Variants in LAMA2 observed in about 807,000 individuals in gnomAD.
LAMA2 encodes laminin subunit alpha-2.
LAMA2 carries 269 observed loss-of-function variants against 364.8 expected under a neutral mutation model. The observed-to-expected ratio is 0.74, with a 90% CI of 0.67 to 0.82. The LOEUF (loss-of-function observed/expected upper bound fraction) is 0.82, where lower values mean the gene tolerates loss of function less well. Among genes scored for constraint, LAMA2 ranks in the 40% least tolerant of loss-of-function variants. LAMA2 has a pLI of 0.00. For synonymous variants in LAMA2, 1,379 were observed against 1,370.6 expected (o/e 1.01, Z -0.14); for missense variants, 3,807 against 3,873.2 (o/e 0.98, Z 0.45).
chr6:128,940,326 T>C (rs1001707353), intron 1 of LAMA2, among the ~76,000 whole-genome samples: 1 of 152,154 alleles, frequency 6.6e-6, no homozygotes, highest in Non-Finnish European at 1.5e-5. Flanking sequence ...GGGTACTATG[T>C]TTTCAGTATA....
intron 4 of LAMA2, among the ~76,000 whole-genome samples, chr6:129,131,219 G>A (rs901950663): frequency 3.3e-5 from 5 of 152,188 alleles, no homozygotes; most frequent in African/African-American, 1.2e-4. Context: ...CATTCATGCT[G>A]TGTTTGTCAA....
rs368480979 is a variant in LAMA2, at chr6:129,118,684, T to C, written c.639+20269T>C. Among the ~76,000 whole-genome samples the C allele has an allele frequency of 3.3e-5, 5 of 152,364 alleles. No individual in the cohort carries two copies. In the East Asian group the frequency reaches 7.7e-4, roughly 23 times the overall value. On this transcript the variant is annotated intron_variant, in intron 4 of 64. Coordinates refer to ENST00000421865, the MANE Select transcript of LAMA2 (RefSeq NM_000426.4). ...TCTTCCCAACTACTGTGATCCTGTC[T>C]TTAATACAACTTTAATAGACTGGAA...
chr6:129,098,242 C>G lies in LAMA2; in HGVS notation c.466C>G (p.Arg156Gly). Reference sequence around the variant, plus strand: ...CCGGCCTGGAAACTGGATTTTGGAACGCTCTCTTGATGATGTTGAATACAA... The same window carrying G: ...CCGGCCTGGAAACTGGATTTTGGAAGGCTCTCTTGATGATGTTGAATACAA... ...SPRPGNWILE[R>G]SLDDVEYKPW... Residue 156 changes from arginine to glycine, a missense_variant, in exon 4 of 65, where the codon CGC (arginine) becomes GGC (glycine). Transcript: ENST00000421865. 1.2e-6 allele frequency: 2 copies of G among 1,614,054 alleles called. No homozygotes were observed. The highest frequency in any genetic ancestry group is 8.5e-7 in the Non-Finnish European group (1 of 1,179,994).
At chr6:129,169,172 G>A (rs1194202413) in intron 9 of LAMA2, among the ~76,000 whole-genome samples, 1 of 149,920 alleles carries the variant, frequency 6.7e-6, no homozygotes, top group African/African-American at 2.5e-5. Flanking sequence ...CTGCCTAATT[G>A]CCCTGGCCAG....
intron 1 of LAMA2, among the ~76,000 whole-genome samples, chr6:128,983,107 T>G (rs1289119686): frequency 6.6e-6 from 1 of 152,084 alleles, no homozygotes; most frequent in African/African-American, 2.4e-5. Flanking sequence ...GCATGATTTA[T>G]AGTCCTTTGG....
At chr6:129,493,350 C>T (rs1206578481) in intron 58 of LAMA2, among the ~76,000 whole-genome samples, 10 of 152,080 alleles carry the variant, frequency 6.6e-5, no homozygotes, top group South Asian at 2.1e-4. Flanking sequence ...GCACTGTAAC[C>T]GACCATCTGT....
chr6:128,997,376 G>GAC lies in LAMA2; in HGVS notation c.113-52541_113-52540insCA, dbSNP rs1449476345. Among the ~76,000 whole-genome samples, 3 of 141,436 alleles carry GAC rather than the reference G, an allele frequency of 2.1e-5. No individual in the cohort carries two copies. The South Asian group carries it at 7.7e-4, about 36-fold the overall frequency. The allele number at this position is 141,436 out of a possible 152,430, so 92.8% of individuals were successfully genotyped here. A position where few individuals can be genotyped will look rare whatever the true frequency, so the allele number is the denominator to read the frequency against. On this transcript the variant is annotated intron_variant, in intron 1 of 64. Transcript: ENST00000421865. ...AAAGAACGAAAGAAAGAAAGAGAGA[G>GAC]AGAGAAAGGAAGAGAGGGAGGGAGG... is the stretch of plus-strand genomic sequence containing the variant.
At chr6:128,930,733 T>G (rs1255621549) in intron 1 of LAMA2, among the ~76,000 whole-genome samples, 1 of 152,254 alleles carries the variant, frequency 6.6e-6, no homozygotes, top group Non-Finnish European at 1.5e-5. Flanking sequence ...CCTCCGATTA[T>G]TCTACATCAC....
At chr6:128,938,538 A>G (rs866135088) in intron 1 of LAMA2, among the ~76,000 whole-genome samples, 41 of 152,176 alleles carry the variant, frequency 2.7e-4, no homozygotes, top group African/African-American at 9.4e-4. Flanking sequence ...TAAATCTAGC[A>G]CAAGGACCTG....
chr6:129,489,761 T>C (rs1449217308), intron 56 of LAMA2, among the ~76,000 whole-genome samples: 1 of 152,194 alleles, frequency 6.6e-6, no homozygotes, highest in Non-Finnish European at 1.5e-5. Flanking sequence ...CTATTTATTA[T>C]GTAAATTACA....
chr6:129,165,759 A>C, intron 9 of LAMA2, 84 bp downstream of exon 9: 1 of 849,594 alleles, frequency 1.2e-6, no homozygotes, highest in Non-Finnish European at 2.0e-6. Context: ...AATATTTTGC[A>C]GTAAATGTTA....
chr6:129,077,905 A>C (rs1773763170), intron 3 of LAMA2, among the ~76,000 whole-genome samples: 1 of 152,186 alleles, frequency 6.6e-6, no homozygotes, highest in Non-Finnish European at 1.5e-5. Flanking sequence ...AGGATTTTTA[A>C]GGCAGTGAAA....
At chr6:129,325,858 G>C (rs1322845338) in intron 28 of LAMA2, among the ~76,000 whole-genome samples, 1 of 151,854 alleles carries the variant, frequency 6.6e-6, no homozygotes, top group African/African-American at 2.4e-5. Flanking sequence ...TTATTTTTTT[G>C]AGATGGAGTC....
intron 44 of LAMA2, 141 bp from the exon 45 acceptor site, chr6:129,445,521 CCATCA>C (rs1782321518): frequency 5.8e-6 from 4 of 687,192 alleles, no homozygotes; most frequent in South Asian, 5.2e-5. Flanking sequence ...TTGACATTTG[CCATCA>C]CACATTTTGC....
chr6:129,309,552 G>T (rs1283287099), intron 22 of LAMA2, among the ~76,000 whole-genome samples: 1 of 152,176 alleles, frequency 6.6e-6, no homozygotes, highest in Non-Finnish European at 1.5e-5. Context: ...TTGATAACAT[G>T]ATTTTCTATT....
intron 1 of LAMA2, among the ~76,000 whole-genome samples, chr6:128,933,096 T>C (rs1283395307): frequency 1.3e-5 from 2 of 152,194 alleles, no homozygotes; most frequent in Non-Finnish European, 2.9e-5. Flanking sequence ...TCATACTGTA[T>C]TTGTTTTTCT....
At chr6:129,324,437 A>G (rs1775150273) in intron 28 of LAMA2, among the ~76,000 whole-genome samples, 1 of 152,228 alleles carries the variant, frequency 6.6e-6, no homozygotes, top group Non-Finnish European at 1.5e-5. Flanking sequence ...GCCCATGATC[A>G]CACACCTACA....
At chr6:129,274,175 G>T (rs1788136701) in intron 17 of LAMA2, among the ~76,000 whole-genome samples, 1 of 150,056 alleles carries the variant, frequency 6.7e-6, no homozygotes, top group South Asian at 2.1e-4. Flanking sequence ...AAAACAACTA[G>T]AAAATTATCA....
At chr6:129,211,913 C>G (rs9375619) in intron 12 of LAMA2, among the ~76,000 whole-genome samples, 33,269 of 152,008 alleles carry the variant, frequency 0.22, 4,158 homozygotes, top group East Asian at 0.49. Context: ...CTTTGGAGAC[C>G]TTAGGAACTT....
Sources: allele counts gnomAD v4.1 joint callset (sites outside exome capture counted in the v4.1 genomes callset), GRCh38; gene constraint gnomAD v4.1.1; transcripts MANE v1.5; gene names NCBI Gene and HGNC (gene_info 2026-07-23, HGNC 2026-07-21).